ZNF536: variants seen among roughly 807,000 people sequenced by gnomAD.
ZNF536 encodes zinc finger protein 536.
ZNF536 carries 13 observed loss-of-function variants against 84.5 expected under a neutral mutation model. The ratio of observed to expected loss-of-function variants is 0.15; its 90% CI spans 0.10 to 0.24. The LOEUF is 0.24. ZNF536 is among the 10% of genes least tolerant of loss of function. ZNF536 has a pLI of 1.00. For synonymous variants in ZNF536, 811 were observed against 742.5 expected (o/e 1.09, Z -1.50); for missense variants, 1,536 against 1,747.5 (o/e 0.88, Z 2.16).
rs537188698 is a variant in ZNF536 at position 30,677,049 on chromosome 19, G to A, written c.170-33708G>A. On this transcript the variant is annotated intron_variant, in intron 1 of 1. Transcript: ENST00000592773. The stretch of plus-strand genomic sequence containing the variant: ...ATATTTTGCTTGTGAAAGAAATGGC[G>A]TGATGCCTTTTCTACAATTGAAGAA... Among the ~76,000 whole-genome samples the A allele has an allele frequency of 9.9e-5, 15 of 152,272 alleles. No individual in the cohort carries two copies. In the East Asian group the frequency reaches 2.1e-3, roughly 22 times the overall value.
At chr19:30,691,271 A>G (rs1293396190) in intron 1 of ZNF536, among the ~76,000 whole-genome samples, 1 of 152,138 alleles carries the variant, frequency 6.6e-6, no homozygotes, top group African/African-American at 2.4e-5. Flanking sequence ...ATGCACATGA[A>G]AAAAGGAGGC....
At chr19:30,375,221 C>T (rs2048767223) in intron 1 of ZNF536, among the ~76,000 whole-genome samples, 1 of 149,012 alleles carries the variant, frequency 6.7e-6, no homozygotes, top group South Asian at 2.1e-4. Flanking sequence ...TAGTGCCACC[C>T]CGAGGCCGAG....
chr19:30,615,190 C>T (rs1250387043), intron 1 of ZNF536, among the ~76,000 whole-genome samples: 1 of 149,766 alleles, frequency 6.7e-6, no homozygotes, highest in African/African-American at 2.5e-5. Flanking sequence ...CGTGATCCGC[C>T]CGTCTCGGCC....
chr19:30,333,880 G>A (rs1202510238), intron 2 of ZNF536, among the ~76,000 whole-genome samples: 8 of 152,152 alleles, frequency 5.3e-5, no homozygotes, highest in Non-Finnish European at 1.0e-4. Context: ...GTTGAGCCCG[G>A]AATAGTGATT....
rs527319667 is a variant in ZNF536, at chr19:30,485,020, T to G, written c.2170+39288T>G. Among the ~76,000 whole-genome samples the G allele has an allele frequency of 4.8e-3, 727 of 152,134 alleles. 5 individuals are homozygous for G. Among genetic ancestry groups the G allele is most frequent in the African/African-American group, 0.016 (679 of 41,514 alleles). On this transcript the variant is annotated intron_variant, in intron 2 of 4. Transcript: ENST00000355537. ...TTAGTCGGGCGTGGTGGCAGGCACC[T>G]GTAGTCCCAGCTACTCGGGAGGCTG... is the stretch of plus-strand genomic sequence containing the variant.
At position 30,575,578 on chromosome 19, in the gene ZNF536, C is replaced by T. The variant is rs141791810; in HGVS notation, c.169+26064C>T. Reference sequence around the variant, plus strand: ...CCTTTCCTAGGTATCAGAGACCCAGCGGTCCAGAAAGGAGGCAAAAACTCC... The same window carrying T: ...CCTTTCCTAGGTATCAGAGACCCAGTGGTCCAGAAAGGAGGCAAAAACTCC... On this transcript the variant is annotated intron_variant, in intron 1 of 1. Transcript: ENST00000592773. Among the ~76,000 whole-genome samples, 183 of 152,282 alleles carry T rather than the reference C, an allele frequency of 1.2e-3. 1 individual carries two copies. Among genetic ancestry groups the T allele is most frequent in the African/African-American group, 4.3e-3 (179 of 41,550 alleles).
At chr19:30,418,615 C>T (rs1361991594) in intron 1 of ZNF536, among the ~76,000 whole-genome samples, 1 of 152,222 alleles carries the variant, frequency 6.6e-6, no homozygotes, top group East Asian at 1.9e-4. Context: ...GGCATTCTGC[C>T]TAGGGATCTG....
At position 30,376,141 on chromosome 19, in the gene ZNF536, C is replaced by T. The variant is rs117634245; in HGVS notation, c.-3+3585C>T. Among the ~76,000 whole-genome samples the T allele has an allele frequency of 4.9e-3, 744 of 152,224 alleles. 2 individuals carry two copies. The highest frequency in any genetic ancestry group is 8.5e-3 in the Non-Finnish European group (581 of 68,008). Reference sequence around the variant, plus strand: ...CCCTCAACCCCTTGTCCTCTAGTGGCTCCATGGGTACCAAGGTTTCTTTGC... The same window carrying T: ...CCCTCAACCCCTTGTCCTCTAGTGGTTCCATGGGTACCAAGGTTTCTTTGC... On this transcript the variant is annotated intron_variant, in intron 1 of 4. Coordinates refer to ENST00000355537, the MANE Select transcript of ZNF536 (RefSeq NM_014717.3).
At chr19:30,465,857 T>G (rs971537709) in intron 2 of ZNF536, among the ~76,000 whole-genome samples, 1 of 152,006 alleles carries the variant, frequency 6.6e-6, no homozygotes, top group Non-Finnish European at 1.5e-5. Context: ...TTCATGCCAT[T>G]CTCCTGTCTC....
chr19:30,590,102 C>T (rs1487276738), intron 1 of ZNF536, among the ~76,000 whole-genome samples: 1 of 152,228 alleles, frequency 6.6e-6, no homozygotes, highest in Non-Finnish European at 1.5e-5. Context: ...GTGCCTCCTT[C>T]TCTCCAGCAG....
At chr19:30,503,636 C>G (rs570385688) in intron 2 of ZNF536, among the ~76,000 whole-genome samples, 2 of 152,232 alleles carry the variant, frequency 1.3e-5, no homozygotes, top group Admixed American at 1.3e-4. Flanking sequence ...ATAAGAGTGC[C>G]TCATCATCCC....
At chr19:30,648,896 C>T (rs150313170) in intron 1 of ZNF536, among the ~76,000 whole-genome samples, 104 of 152,248 alleles carry the variant, frequency 6.8e-4, no homozygotes, top group African/African-American at 2.4e-3. Flanking sequence ...AAATATCATC[C>T]GGAAGTGCTG....
intron 1 of ZNF536, among the ~76,000 whole-genome samples, chr19:30,600,830 G>A (rs1484099106): frequency 6.6e-6 from 1 of 152,194 alleles, no homozygotes; most frequent in African/African-American, 2.4e-5. Context: ...CAGGCATCAG[G>A]GGCTTTGGCT....
chr19:30,305,664 G>T (rs1457162480), intron 2 of ZNF536, among the ~76,000 whole-genome samples: 1 of 152,202 alleles, frequency 6.6e-6, no homozygotes, highest in African/African-American at 2.4e-5. Flanking sequence ...GCCAAGGTTG[G>T]GTTCAGAGGG....
At chr19:30,415,086 CTCTTCCTCCTTCTCCT>C (rs1310226134) in intron 1 of ZNF536, among the ~76,000 whole-genome samples, 20 of 149,946 alleles carry the variant, frequency 1.3e-4, no homozygotes, top group African/African-American at 2.9e-4. Context: ...TCCTCCTGCT[CTCTTCCTCCTTCTCCT>C]TCTTCCTCCT....
Position 30,294,146 on chromosome 19 carries a change from T to C in ZNF536, c.-120+10005T>C, listed in dbSNP as rs374700756. Reference sequence around the variant, plus strand: ...GCTAAGCATTTATTGAGGGTCCCTGTGCTCAGCTCTAGAGGGTGGGGTGTG... The same window carrying C: ...GCTAAGCATTTATTGAGGGTCCCTGCGCTCAGCTCTAGAGGGTGGGGTGTG... On this transcript the variant is annotated intron_variant, in intron 2 of 5. Coordinates refer to the ZNF536 transcript ENST00000585628. Among the ~76,000 whole-genome samples, 10 of 152,246 alleles carry C rather than the reference T, an allele frequency of 6.6e-5. No homozygotes were observed. The East Asian group carries it at 1.7e-3, about 27-fold the overall frequency.
intron 1 of ZNF536, among the ~76,000 whole-genome samples, chr19:30,640,021 G>A (rs1342594149): frequency 1.3e-5 from 2 of 152,202 alleles, no homozygotes; most frequent in African/African-American, 4.8e-5. Flanking sequence ...GAGATGGGCA[G>A]ATCACCTGAG....
intron 1 of ZNF536, among the ~76,000 whole-genome samples, chr19:30,683,496 AT>A (rs891156728): frequency 6.6e-6 from 1 of 151,520 alleles, no homozygotes; most frequent in African/African-American, 2.4e-5. Flanking sequence ...CTTCTGTTTA[AT>A]TTTTAGTAGC....
chr19:30,652,149 T>C (rs1285952843), intron 1 of ZNF536, among the ~76,000 whole-genome samples: 2 of 152,228 alleles, frequency 1.3e-5, no homozygotes, highest in African/African-American at 4.8e-5. Flanking sequence ...CACAAACTCT[T>C]TTAATGTTCA....
Sources: allele counts gnomAD v4.1 joint callset (sites outside exome capture counted in the v4.1 genomes callset), GRCh38; gene constraint gnomAD v4.1.1; transcripts MANE v1.5; gene names NCBI Gene and HGNC (gene_info 2026-07-23, HGNC 2026-07-21).